SULT4A1: variants seen among roughly 807,000 people sequenced by gnomAD.
SULT4A1 encodes sulfotransferase family 4A member 1, also known as sulfotransferase 4A1.
A neutral mutation model predicts 35.2 loss-of-function variants in SULT4A1; 11 were observed. The ratio of observed to expected loss-of-function variants is 0.31; its 90% CI spans 0.20 to 0.52. The LOEUF is 0.52. Among genes scored for constraint, SULT4A1 ranks in the 20% least tolerant of loss-of-function variants. SULT4A1 has a pLI of 0.97. For synonymous variants in SULT4A1, 152 were observed against 151.8 expected, an observed-to-expected ratio of 1.00 and a Z score of -0.01; for missense variants, 271 against 383.7, an observed-to-expected ratio of 0.71 and a Z score of 2.45.
rs778908261 is a variant in SULT4A1 at position 43,826,133 on chromosome 22, A to G, written c.743-20T>C. 3.1e-6 allele frequency: 5 copies of G among 1,613,212 alleles called. No homozygotes were observed. The highest frequency in any genetic ancestry group is 4.2e-6 in the Non-Finnish European group (5 of 1,179,756). On this transcript the variant is annotated intron_variant, in intron 6 of 6. Coordinates refer to ENST00000330884, the MANE Select transcript of SULT4A1 (RefSeq NM_014351.4). ...CTCTTCCTGAAACGCAAACAAGAGA[A>G]CTGCTGGGGCCACTTGCTGTCCGGC...
intron 5 of SULT4A1, 121 bp downstream of exon 5, chr22:43,833,519 T>C (rs1603404607): frequency 1.4e-4 from 18 of 128,196 alleles, no homozygotes; most frequent in South Asian, 2.3e-4. Context: ...CGCCCCCTCC[T>C]CTGTCCCTCC....
chr22:43,843,251 CAAAAAAT>C (rs1302160699), intron 1 of SULT4A1, among the ~76,000 whole-genome samples: 2 of 151,948 alleles, frequency 1.3e-5, no homozygotes, highest in African/African-American at 2.4e-5. Context: ...ATTGTCCCTA[CAAAAAAT>C]AAAAAATAAA....
intron 1 of SULT4A1, among the ~76,000 whole-genome samples, chr22:43,851,076 AT>A (rs1381270037): frequency 6.6e-6 from 1 of 151,318 alleles, no homozygotes; most frequent in African/African-American, 2.4e-5. Context: ...TTTTTCTTAT[AT>A]TTTTGCTCTT....
chr22:43,862,281 C>T lies in SULT4A1; in HGVS notation c.102G>A (p.Lys34=). The T allele has an allele frequency of 6.4e-7, 1 of 1,572,286 alleles. No individual in the cohort carries two copies. Among genetic ancestry groups the T allele is most frequent in the Non-Finnish European group, 8.6e-7 (1 of 1,158,434 alleles). Reference sequence around the variant, plus strand: ...CCGGGAAGTTGGCGATCTCCTCCATCTTCCCGCGGCAGAAGGGCGGCAGCC... The same window carrying T: ...CCGGGAAGTTGGCGATCTCCTCCATTTTCCCGCGGCAGAAGGGCGGCAGCC... The part of the protein sequence containing the change: ...GVRLPPFCRG[K]MEEIANFPVR... The change falls in exon 1 of 7, where the codon AAG becomes AAA. Residue 34 remains lysine (K), a synonymous_variant. Coordinates refer to ENST00000330884, the MANE Select transcript of SULT4A1 (RefSeq NM_014351.4).
At position 43,836,728 on chromosome 22, in the gene SULT4A1, A is replaced by T. The variant is rs1041067547; in HGVS notation, c.508+2139T>A. Among the ~76,000 whole-genome samples the T allele has an allele frequency of 1.1e-3, 138 of 122,244 alleles. 1 individual carries two copies. Among genetic ancestry groups the T allele is most frequent in the Non-Finnish European group, 1.6e-3 (97 of 59,156 alleles). The allele number at this position is 122,244 out of a possible 152,430, so 80.2% of individuals were successfully genotyped here. ...TCCACAGGGACCCAGTCTACACAGC[A>T]TCCTCACACTGCAGGTGCCACAGGG... On this transcript the variant is annotated intron_variant, in intron 4 of 6. Transcript: ENST00000330884.
intron 5 of SULT4A1, among the ~76,000 whole-genome samples, chr22:43,829,649 C>T (rs2063311358): frequency 6.6e-6 from 1 of 152,194 alleles, no homozygotes; most frequent in African/African-American, 2.4e-5. Context: ...GCAGGGAGCC[C>T]GCTTCATCAC....
chr22:43,827,135 G>A (rs770714994), intron 6 of SULT4A1: 35 of 985,310 alleles, frequency 3.6e-5, no homozygotes, highest in Non-Finnish European at 4.2e-5. Context: ...CACATCACCC[G>A]AGTACTGCCT....
chr22:43,851,416 T>C (rs2049340887), intron 1 of SULT4A1, among the ~76,000 whole-genome samples: 1 of 152,236 alleles, frequency 6.6e-6, no homozygotes, highest in South Asian at 2.1e-4. Flanking sequence ...CAGATCTCTA[T>C]CCTTCCTGTT....
intron 4 of SULT4A1, 24 bp from the exon 5 acceptor site, chr22:43,833,758 A>T (rs1002036020): frequency 3.2e-6 from 5 of 1,552,384 alleles, no homozygotes; most frequent in Non-Finnish European, 4.4e-6. Context: ...GGACAGGGTG[A>T]GCCACACGGC....
At chr22:43,861,898 G>A (rs1370590841) in intron 1 of SULT4A1, among the ~76,000 whole-genome samples, 1 of 152,272 alleles carries the variant, frequency 6.6e-6, no homozygotes, top group Non-Finnish European at 1.5e-5. Flanking sequence ...AAAGGGAGAA[G>A]CAGGGATGGG....
At chr22:43,855,756 G>C (rs1244076941) in intron 1 of SULT4A1, among the ~76,000 whole-genome samples, 1 of 151,896 alleles carries the variant, frequency 6.6e-6, no homozygotes, top group Non-Finnish European at 1.5e-5. Context: ...GGGACCACTA[G>C]GGCCACTTCC....
intron 2 of SULT4A1, among the ~76,000 whole-genome samples, chr22:43,841,522 C>A (rs4823098): frequency 0.23 from 35,669 of 152,046 alleles, 4,391 homozygotes; most frequent in African/African-American, 0.32. Flanking sequence ...GAGGGGGAGG[C>A]CCAGGGCCTG....
At chr22:43,846,660 A>C (rs541301257) in intron 1 of SULT4A1, among the ~76,000 whole-genome samples, 1 of 152,346 alleles carries the variant, frequency 6.6e-6, no homozygotes, top group East Asian at 1.9e-4. Flanking sequence ...TCTCCCACCA[A>C]CCTGAGTAGG....
rs1425426197 is a variant in SULT4A1, at chr22:43,835,807, A to T, written c.509-2073T>A. Among the ~76,000 whole-genome samples the T allele has an allele frequency of 2.6e-5, 4 of 152,226 alleles. No homozygotes were observed. In the East Asian group the frequency reaches 7.7e-4, roughly 29 times the overall value. ...TGGAGTTGCAGGGGGAAATAGTGTGAGGACTCTGGAAGGAGCAAGGCATGA... is the reference window on the plus strand; with the variant it reads ...TGGAGTTGCAGGGGGAAATAGTGTGTGGACTCTGGAAGGAGCAAGGCATGA... On this transcript the variant is annotated intron_variant, in intron 4 of 6. Transcript: ENST00000330884.
At chr22:43,861,959 T>G (rs2049474692) in intron 1 of SULT4A1, among the ~76,000 whole-genome samples, 1 of 152,134 alleles carries the variant, frequency 6.6e-6, no homozygotes, top group Non-Finnish European at 1.5e-5. Flanking sequence ...AGGCTCCATC[T>G]CCACGGAAGG....
chr22:43,851,924 G>A (rs150976772), intron 1 of SULT4A1, among the ~76,000 whole-genome samples: 2 of 152,224 alleles, frequency 1.3e-5, no homozygotes, highest in South Asian at 2.1e-4. Context: ...CAGGCTCCCC[G>A]CCTGCCCAGT....
intron 4 of SULT4A1, among the ~76,000 whole-genome samples, chr22:43,838,141 C>T (rs2063392202): frequency 6.6e-6 from 1 of 152,248 alleles, no homozygotes; most frequent in Admixed American, 6.5e-5. Flanking sequence ...GCTCTGCCAC[C>T]ACTCCCAAGG....
At position 43,824,641 on chromosome 22, in the gene SULT4A1, AAC is replaced by A. The variant is rs1055580170; in HGVS notation, c.*1358_*1359del. Reference sequence around the variant, plus strand: ...CACAGAAAGCAGCCTCCCTCACAGAAACACAGGCAAGGTGCTGCCGAGCCCAC... The same window carrying A: ...CACAGAAAGCAGCCTCCCTCACAGAAACAGGCAAGGTGCTGCCGAGCCCAC... On this transcript the variant is annotated 3_prime_UTR_variant, in exon 7 of 7. Transcript: ENST00000330884. 44 of 152,428 alleles carry A rather than the reference AAC, an allele frequency of 2.9e-4. No individual in the cohort carries two copies. Among genetic ancestry groups the A allele is most frequent in the African/African-American group, 9.9e-4 (41 of 41,556 alleles). 9.4% of individuals were successfully genotyped at this position (152,428 alleles called of 1,614,324 possible). A position where few individuals can be genotyped will look rare whatever the true frequency, so the allele number is the denominator to read the frequency against.
chr22:43,845,447 G>C (rs1016639399), intron 1 of SULT4A1, among the ~76,000 whole-genome samples: 1 of 152,176 alleles, frequency 6.6e-6, no homozygotes, highest in Non-Finnish European at 1.5e-5. Flanking sequence ...GGCTCAGGCC[G>C]GATGGTGGCC....
Sources: gnomAD v4.1 joint callset for allele counts (sites outside exome capture counted in the v4.1 genomes callset) on GRCh38, gnomAD v4.1.1 for gene constraint, MANE v1.5 for transcripts, NCBI Gene and HGNC (gene_info 2026-07-23, HGNC 2026-07-21) for gene names.